GALNTL6: variants seen among roughly 807,000 people sequenced by gnomAD.
The protein encoded by GALNTL6 is polypeptide N-acetylgalactosaminyltransferase-like 6.
A neutral mutation model predicts 73.7 loss-of-function variants in GALNTL6; 46 were observed. The observed-to-expected ratio is 0.62, with a 90% CI of 0.49 to 0.80. GALNTL6 has a LOEUF of 0.80. GALNTL6 is among the 30% of genes least tolerant of loss of function. The probability of loss-of-function intolerance (pLI) is 0.00; values close to 1 mark genes in which losing one functional copy is unlikely to be tolerated. For synonymous variants in GALNTL6, 259 were observed against 263.7 expected, an observed-to-expected ratio of 0.98 and a Z score of 0.17; for missense variants, 604 against 755.0, an observed-to-expected ratio of 0.80 and a Z score of 2.34.
intron 5 of GALNTL6, among the ~76,000 whole-genome samples, chr4:172,798,235 C>T (rs1486044808): frequency 6.6e-6 from 1 of 152,112 alleles, no homozygotes; most frequent in Non-Finnish European, 1.5e-5. Context: ...TAGAGATGAT[C>T]GTGGATATGG....
intron 4 of GALNTL6, among the ~76,000 whole-genome samples, chr4:172,343,496 A>G (rs1741639779): frequency 1.3e-5 from 2 of 152,176 alleles, no homozygotes; most frequent in South Asian, 4.1e-4. Flanking sequence ...TTGTAATTAA[A>G]ATTTATTTTG....
At chr4:172,264,945 T>C (rs1240164910) in intron 3 of GALNTL6, among the ~76,000 whole-genome samples, 2 of 151,818 alleles carry the variant, frequency 1.3e-5, no homozygotes, top group East Asian at 3.9e-4. Flanking sequence ...GCTACAACTC[T>C]GATTATCACC....
chr4:172,283,937 G>C (rs1005110287), intron 3 of GALNTL6, among the ~76,000 whole-genome samples: 1 of 152,232 alleles, frequency 6.6e-6, no homozygotes. Context: ...TTTCAGATCA[G>C]TGAATAATTT....
chr4:172,604,011 G>A (rs990964027), intron 5 of GALNTL6, among the ~76,000 whole-genome samples: 4 of 152,136 alleles, frequency 2.6e-5, no homozygotes, highest in African/African-American at 7.2e-5. Flanking sequence ...TATTGTAGAC[G>A]GTCAGTATAA....
chr4:172,432,185 G>A (rs146823227), intron 5 of GALNTL6, among the ~76,000 whole-genome samples: 2 of 151,886 alleles, frequency 1.3e-5, no homozygotes, highest in Non-Finnish European at 2.9e-5. Flanking sequence ...ACACAGTGTT[G>A]AAGCTGAAAA....
chr4:172,775,218 T>G (rs1739007947), intron 5 of GALNTL6, among the ~76,000 whole-genome samples: 1 of 152,136 alleles, frequency 6.6e-6, no homozygotes. Flanking sequence ...CTTAGAGACA[T>G]TCATTTACAC....
At chr4:172,570,907 G>A (rs868101451) in intron 5 of GALNTL6, among the ~76,000 whole-genome samples, 13 of 152,044 alleles carry the variant, frequency 8.6e-5, no homozygotes, top group South Asian at 2.1e-4. Context: ...TAAGAAGAGC[G>A]CAATCTAGAT....
chr4:171,887,068 G>A (rs988488125), intron 2 of GALNTL6, among the ~76,000 whole-genome samples: 4 of 152,124 alleles, frequency 2.6e-5, no homozygotes, highest in South Asian at 4.1e-4. Flanking sequence ...TGTAGACTGA[G>A]CATTTCAAAG....
intron 12 of GALNTL6, among the ~76,000 whole-genome samples, chr4:173,037,130 G>A (rs1204064847): frequency 2.0e-5 from 3 of 152,180 alleles, no homozygotes; most frequent in Non-Finnish European, 2.9e-5. Context: ...TTCACCTCCG[G>A]GACTTGCTGA....
intron 5 of GALNTL6, among the ~76,000 whole-genome samples, chr4:172,534,112 G>A (rs1364150748): frequency 6.6e-6 from 1 of 152,210 alleles, no homozygotes; most frequent in Admixed American, 6.5e-5. Flanking sequence ...TGATTGGAAC[G>A]TTTCCTGTGA....
intron 2 of GALNTL6, among the ~76,000 whole-genome samples, chr4:172,141,344 G>C (rs1036853789): frequency 6.6e-5 from 10 of 151,998 alleles, no homozygotes; most frequent in African/African-American, 2.4e-4. Context: ...TCAATCTGTT[G>C]AGGAAGGCAG....
intron 3 of GALNTL6, among the ~76,000 whole-genome samples, chr4:172,237,763 T>A (rs1166794750): frequency 6.6e-6 from 1 of 152,186 alleles, no homozygotes; most frequent in Non-Finnish European, 1.5e-5. Flanking sequence ...CTGATTTTTT[T>A]ATATTATGTA....
intron 3 of GALNTL6, among the ~76,000 whole-genome samples, chr4:172,309,755 T>A (rs978663576): frequency 1.7e-5 from 2 of 119,370 alleles, no homozygotes; most frequent in African/African-American, 5.0e-5. Flanking sequence ...TTAAAAATAG[T>A]TCAGTTTGGT....
intron 8 of GALNTL6, among the ~76,000 whole-genome samples, chr4:172,901,031 G>T (rs1187826209): frequency 6.6e-6 from 1 of 152,092 alleles, no homozygotes; most frequent in Admixed American, 6.6e-5. Context: ...CATTCTGAAC[G>T]ATATAATTGG....
intron 2 of GALNTL6, among the ~76,000 whole-genome samples, chr4:172,191,629 A>G (rs1315979362): frequency 6.6e-6 from 1 of 152,178 alleles, no homozygotes; most frequent in African/African-American, 2.4e-5. Flanking sequence ...ACTCTTTCAA[A>G]TCTTCACACA....
chr4:172,313,333 C>T (rs1740431478), intron 4 of GALNTL6, among the ~76,000 whole-genome samples: 1 of 152,006 alleles, frequency 6.6e-6, no homozygotes, highest in South Asian at 2.1e-4. Context: ...ACCTGTTAGC[C>T]AGGATAGTCT....
intron 2 of GALNTL6, among the ~76,000 whole-genome samples, chr4:172,177,916 GTTTA>G (rs780866097): frequency 1.6e-5 from 2 of 122,692 alleles, no homozygotes; most frequent in East Asian, 2.1e-4. Flanking sequence ...GACTTTCATA[GTTTA>G]TTTGTGTGTT....
chr4:171,831,068 T>G (rs989160635), intron 2 of GALNTL6, among the ~76,000 whole-genome samples: 3 of 152,088 alleles, frequency 2.0e-5, no homozygotes, highest in Non-Finnish European at 2.9e-5. Context: ...GAATATAGAC[T>G]GATATATTTC....
In GALNTL6 at chr4:172,222,391, A is replaced by T. The variant is rs1736706844; in HGVS notation, c.139-7265A>T. Among the ~76,000 whole-genome samples, 3 of 151,994 alleles carry T rather than the reference A, an allele frequency of 2.0e-5. 1 individual carries two copies. In the South Asian group the frequency reaches 6.2e-4, roughly 31 times the overall value. On this transcript the variant is annotated intron_variant, in intron 2 of 12. Transcript: ENST00000506823. ...GGGTGTGAAAGCAACCTTTTCTTGC[A>T]AATAAATCCCATAAGGAAATATGTA...
Sources: allele counts gnomAD v4.1 joint callset (sites outside exome capture counted in the v4.1 genomes callset), GRCh38; gene constraint gnomAD v4.1.1; transcripts MANE v1.5; gene names NCBI Gene and HGNC (gene_info 2026-07-23, HGNC 2026-07-21).